FBXW11: variants seen among roughly 807,000 people sequenced by gnomAD.
The protein encoded by FBXW11 is F-box and WD repeat domain containing 11, also known as F-box/WD repeat-containing protein 11.
Under a neutral mutation model 77.6 loss-of-function variants are expected in FBXW11, and 19 were observed. That is an observed-to-expected ratio of 0.24 (90% CI 0.17 to 0.36). FBXW11 has a LOEUF of 0.36. FBXW11 is among the 10% of genes least tolerant of loss of function. The pLI is 1.00. For synonymous variants in FBXW11, 235 were observed against 249.4 expected (o/e 0.94, Z 0.54); for missense variants, 334 against 704.2 (o/e 0.47, Z 5.95).
At chr5:171,947,591 G>T (rs1763078913) in intron 2 of FBXW11, among the ~76,000 whole-genome samples, 1 of 151,428 alleles carries the variant, frequency 6.6e-6, no homozygotes, top group Admixed American at 6.6e-5. Flanking sequence ...TTTTTTCAGT[G>T]AATAAGATAA....
intron 1 of FBXW11, among the ~76,000 whole-genome samples, chr5:171,964,233 C>T (rs1764063369): frequency 6.6e-6 from 1 of 152,142 alleles, no homozygotes; most frequent in African/African-American, 2.4e-5. Context: ...TTTTTTCTCC[C>T]CCCACAAAAC....
intron 2 of FBXW11, among the ~76,000 whole-genome samples, chr5:171,944,559 A>G (rs1239658636): frequency 7.8e-6 from 1 of 128,424 alleles, no homozygotes; most frequent in Non-Finnish European, 1.6e-5. Context: ...CCTGGGCGAC[A>G]GCGAGACTCC....
At chr5:171,927,997 A>G (rs1348483533) in intron 2 of FBXW11, among the ~76,000 whole-genome samples, 1 of 152,204 alleles carries the variant, frequency 6.6e-6, no homozygotes, top group East Asian at 1.9e-4. Flanking sequence ...AGCAAGGTTG[A>G]GCACTTCCAT....
chr5:171,932,163 C>A (rs531817120), intron 2 of FBXW11, among the ~76,000 whole-genome samples: 1 of 152,026 alleles, frequency 6.6e-6, no homozygotes, highest in Non-Finnish European at 1.5e-5. Context: ...GTGTGAGCCA[C>A]CATGCCTGGC....
At chr5:171,956,621 T>A (rs768235827) in intron 2 of FBXW11, among the ~76,000 whole-genome samples, 1 of 152,196 alleles carries the variant, frequency 6.6e-6, no homozygotes, top group Non-Finnish European at 1.5e-5. Flanking sequence ...ATTGTAAACA[T>A]GAATAGAAAG....
intron 2 of FBXW11, among the ~76,000 whole-genome samples, chr5:171,926,735 C>G (rs1581212084): frequency 6.6e-6 from 1 of 152,286 alleles, no homozygotes; most frequent in South Asian, 2.1e-4. Flanking sequence ...TCAGGTATTT[C>G]TTTATAGCAG....
chr5:171,866,137 T>C (rs1287935361), intron 13 of FBXW11, among the ~76,000 whole-genome samples: 2 of 152,052 alleles, frequency 1.3e-5, no homozygotes, highest in Non-Finnish European at 2.9e-5. Context: ...TGATGGCACA[T>C]GCCTGTAGCC....
chr5:171,967,883 TACACACAC>T (rs59469025), intron 1 of FBXW11, among the ~76,000 whole-genome samples: 20 of 74,960 alleles, frequency 2.7e-4, no homozygotes, highest in African/African-American at 1.2e-3. Context: ...TATATATATA[TACACACAC>T]ACACACACAC....
chr5:171,888,833 A>C (rs1287660394), intron 7 of FBXW11, among the ~76,000 whole-genome samples: 1 of 152,198 alleles, frequency 6.6e-6, no homozygotes, highest in Non-Finnish European at 1.5e-5. Flanking sequence ...AAAAGAGAGA[A>C]TTCTCAGCAG....
chr5:171,956,037 A>G (rs1008913781), intron 2 of FBXW11, among the ~76,000 whole-genome samples: 13 of 152,208 alleles, frequency 8.5e-5, no homozygotes, highest in African/African-American at 2.9e-4. Flanking sequence ...AATAAAAAGA[A>G]TCCGCACTTC....
chr5:171,897,430 G>A (rs893165411), intron 6 of FBXW11, among the ~76,000 whole-genome samples: 7 of 152,246 alleles, frequency 4.6e-5, no homozygotes, highest in African/African-American at 7.2e-5. Context: ...AGGCTGTGTC[G>A]CACAGGGTTT....
intron 2 of FBXW11, among the ~76,000 whole-genome samples, chr5:171,948,926 C>T (rs1486933297): frequency 1.3e-5 from 2 of 152,214 alleles, no homozygotes; most frequent in African/African-American, 2.4e-5. Context: ...AATGTGATTT[C>T]TTAGTGCTAG....
chr5:171,920,169 CA>C (rs557922792), intron 2 of FBXW11, among the ~76,000 whole-genome samples: 9 of 148,812 alleles, frequency 6.0e-5, no homozygotes, highest in African/African-American at 9.9e-5. Context: ...TCTCAAAAAA[CA>C]AAAAAAAAGA....
In FBXW11 at chr5:171,869,244, T is replaced by A. The variant is rs1268041177; in HGVS notation, c.1531-448A>T. On this transcript the variant is annotated intron_variant, in intron 12 of 13. Coordinates refer to ENST00000517395, the MANE Select transcript of FBXW11 (RefSeq NM_001378974.1). The surrounding 1 kb of genome is among the most constrained non-coding windows in gnomAD (Gnocchi z 4.1). Reference sequence around the variant, plus strand: ...TTAAAATCAAGAAGACAGTTCTGCATCTTCTAGTAAATGCAAGAAGTGAAG... The same window carrying A: ...TTAAAATCAAGAAGACAGTTCTGCAACTTCTAGTAAATGCAAGAAGTGAAG... 6.6e-6 allele frequency among the ~76,000 whole-genome samples: 1 copy of A among 152,226 alleles called. No homozygotes were observed. The highest frequency in any genetic ancestry group is 2.4e-5 in the African/African-American group (1 of 41,466).
intron 3 of FBXW11, among the ~76,000 whole-genome samples, chr5:171,912,535 T>C (rs1760944973): frequency 6.6e-6 from 1 of 152,178 alleles, no homozygotes. Flanking sequence ...AACTGCCCAA[T>C]TACAGGCAAC....
chr5:171,893,866 A>C (rs1360309071), intron 6 of FBXW11, among the ~76,000 whole-genome samples: 2 of 152,206 alleles, frequency 1.3e-5, no homozygotes, highest in Non-Finnish European at 2.9e-5. Flanking sequence ...ATTGCTTTAA[A>C]ATGACACTGA....
intron 6 of FBXW11, among the ~76,000 whole-genome samples, chr5:171,893,446 A>AAAAAAAAAAC (rs1382279919): frequency 6.8e-6 from 1 of 148,112 alleles, no homozygotes; most frequent in Admixed American, 6.7e-5. Context: ...AAAAAAAAAA[A>AAAAAAAAAAC]ACTAACCCAA....
At chr5:171,999,275 A>C (rs1766266728) in intron 1 of FBXW11, among the ~76,000 whole-genome samples, 1 of 152,130 alleles carries the variant, frequency 6.6e-6, no homozygotes, top group African/African-American at 2.4e-5. Flanking sequence ...AAAATGCAAA[A>C]CAAGTTATAG....
chr5:171,980,571 A>G (rs1765085213), intron 1 of FBXW11, among the ~76,000 whole-genome samples: 1 of 152,232 alleles, frequency 6.6e-6, no homozygotes, highest in Non-Finnish European at 1.5e-5. Flanking sequence ...TATCTCTAAA[A>G]AGGATATTCA....
Sources: gnomAD v4.1 joint callset for allele counts (sites outside exome capture counted in the v4.1 genomes callset) on GRCh38, gnomAD v4.1.1 for gene constraint, Gnocchi (gnomAD v3.1) non-coding constraint, MANE v1.5 for transcripts, NCBI Gene and HGNC (gene_info 2026-07-23, HGNC 2026-07-21) for gene names.